Variants in MGAT5 observed in about 807,000 individuals in gnomAD.
MGAT5 encodes alpha-1,6-mannosylglycoprotein 6-beta-N-acetylglucosaminyltransferase A.
In MGAT5, 30 loss-of-function variants were observed where a neutral mutation model predicts 94.3. The observed-to-expected ratio is 0.32, with a 90% CI of 0.24 to 0.43. The LOEUF (loss-of-function observed/expected upper bound fraction) is 0.43. MGAT5 is among the 20% of genes least tolerant of loss of function. The probability of loss-of-function intolerance (pLI) is 1.00; values close to 1 mark genes in which losing one functional copy is unlikely to be tolerated. For synonymous variants in MGAT5, 310 were observed against 322.9 expected (o/e 0.96, Z 0.43); for missense variants, 691 against 905.5 (o/e 0.76, Z 3.04).
chr2:134,224,648 C>G (rs574816465), intron 1 of MGAT5, among the ~76,000 whole-genome samples: 46 of 152,226 alleles, frequency 3.0e-4, no homozygotes, highest in Non-Finnish European at 5.9e-4. Flanking sequence ...GTCTAGGTCT[C>G]CAAAACTATG....
chr2:134,286,003 G>C (rs944679978), intron 2 of MGAT5, among the ~76,000 whole-genome samples: 1 of 152,020 alleles, frequency 6.6e-6, no homozygotes, highest in Admixed American at 6.6e-5. Context: ...TTTTCCCAGC[G>C]TTAATAATTT....
chr2:134,197,418 T>C (rs962155540), intron 1 of MGAT5, among the ~76,000 whole-genome samples: 1 of 152,184 alleles, frequency 6.6e-6, no homozygotes, highest in African/African-American at 2.4e-5. Context: ...GGTTGAGACA[T>C]TGAGTGACTG....
chr2:134,268,537 A>C lies in MGAT5; in HGVS notation c.242-1849A>C, dbSNP rs1683850398. 6.6e-6 allele frequency among the ~76,000 whole-genome samples: 1 copy of C among 152,194 alleles called. No individual in the cohort carries two copies. Among genetic ancestry groups the C allele is most frequent in the Non-Finnish European group, 1.5e-5 (1 of 68,042 alleles). On this transcript the variant is annotated intron_variant, in intron 1 of 15. Coordinates refer to ENST00000281923, the MANE Select transcript of MGAT5 (RefSeq NM_002410.5). This position sits in a 1 kb window ranked among gnomAD's most constrained non-coding sequence, Gnocchi z 4.1. Reference sequence around the variant, plus strand: ...GCCTGTGACAAACTGAGTCATGCTGACCGTGGGACTGCAGACCGCAGAGGA... The same window carrying C: ...GCCTGTGACAAACTGAGTCATGCTGCCCGTGGGACTGCAGACCGCAGAGGA...
At chr2:134,374,930 C>A (rs1272971858) in intron 10 of MGAT5, among the ~76,000 whole-genome samples, 2 of 152,186 alleles carry the variant, frequency 1.3e-5, no homozygotes, top group Non-Finnish European at 2.9e-5. Context: ...GAGGTCAAGG[C>A]TGCAGTGAGC....
chr2:134,230,012 C>A (rs530694971), intron 1 of MGAT5, among the ~76,000 whole-genome samples: 2 of 152,266 alleles, frequency 1.3e-5, no homozygotes, highest in African/African-American at 4.8e-5. Flanking sequence ...ATCAAAAAGA[C>A]AGATGGGAAA....
At position 134,341,596 on chromosome 2, in the gene MGAT5, G is replaced by T. The variant is rs547381763; in HGVS notation, c.814G>T (p.Val272Phe). 34 of 1,612,208 alleles carry T rather than the reference G, an allele frequency of 2.1e-5. No individual in the cohort carries two copies. The highest frequency in any genetic ancestry group is 2.5e-5 in the Non-Finnish European group (29 of 1,179,208). ...LEKRKRKKVL[V>F]HLGLLTKESG... ...ATGCCTCTTTGTTTTCCAGGTCCTC[G>T]TTCACCTGGGACTCCTGACCAAGGA... is the stretch of plus-strand genomic sequence containing the variant. The change falls in exon 7 of 16, where the codon GTT becomes TTT. Residue 272 changes from valine to phenylalanine, a missense_variant. Physicochemically the swap from Val to Phe is conservative, Grantham distance 50 (BLOSUM62 -1). Around this residue, in one of 4 missense-constraint regions of MGAT5, gnomAD observed 121 missense variants for 206.1 expected, o/e 0.59. Coordinates refer to ENST00000281923, the MANE Select transcript of MGAT5 (RefSeq NM_002410.5).
At chr2:134,280,245 A>G (rs1195389821) in intron 2 of MGAT5, among the ~76,000 whole-genome samples, 1 of 152,312 alleles carries the variant, frequency 6.6e-6, no homozygotes, top group African/African-American at 2.4e-5. Flanking sequence ...GGATTCAATT[A>G]GGGGTGTGAC....
intron 1 of MGAT5, among the ~76,000 whole-genome samples, chr2:134,136,266 A>AT (rs956077571): frequency 1.3e-5 from 2 of 151,874 alleles, no homozygotes; most frequent in African/African-American, 4.9e-5. Context: ...CCATTTACCA[A>AT]TTAAAAAAAA....
rs888705419 is a variant in MGAT5, at chr2:134,156,954, T to C, written c.-143+36663T>C. On this transcript the variant is annotated intron_variant, in intron 1 of 16. Transcript: ENST00000409645. ...TTGTCAGGGTTTCTCGTTCTATAAA[T>C]TGGGAATGATGATATCTAGGTAAGC... is the stretch of plus-strand genomic sequence containing the variant. 9.9e-5 allele frequency among the ~76,000 whole-genome samples: 15 copies of C among 152,126 alleles called. 1 individual carries two copies. Among genetic ancestry groups the C allele is most frequent in the Non-Finnish European group, 4.4e-5 (3 of 68,014 alleles).
At chr2:134,340,418 G>A (rs1436346965) in intron 6 of MGAT5, among the ~76,000 whole-genome samples, 3 of 152,120 alleles carry the variant, frequency 2.0e-5, no homozygotes, top group Non-Finnish European at 4.4e-5. Flanking sequence ...AGCTTGGATA[G>A]CCTACCACAG....
intron 1 of MGAT5, among the ~76,000 whole-genome samples, chr2:134,193,620 T>G (rs1352858324): frequency 6.6e-6 from 1 of 151,312 alleles, no homozygotes; most frequent in African/African-American, 2.4e-5. Flanking sequence ...CCCTCTGAGT[T>G]TTTTGACATC....
intron 1 of MGAT5, among the ~76,000 whole-genome samples, chr2:134,261,762 C>T (rs879767006): frequency 1.3e-5 from 2 of 152,182 alleles, no homozygotes; most frequent in Non-Finnish European, 2.9e-5. Flanking sequence ...CCCACTGTGC[C>T]CCAGAGCTTA....
intron 1 of MGAT5, among the ~76,000 whole-genome samples, chr2:134,128,994 C>G (rs1478591293): frequency 6.6e-6 from 1 of 152,172 alleles, no homozygotes; most frequent in Non-Finnish European, 1.5e-5. Context: ...CACTGTCAGT[C>G]TCTAATAGAA....
At chr2:134,188,116 G>T (rs1341896146) in intron 1 of MGAT5, among the ~76,000 whole-genome samples, 1 of 152,240 alleles carries the variant, frequency 6.6e-6, no homozygotes, top group African/African-American at 2.4e-5. Context: ...TCAGTGCTGT[G>T]TTCTCAAAAT....
upstream of MGAT5, among the ~76,000 whole-genome samples, chr2:134,251,688 C>T (rs1322364554): frequency 1.3e-5 from 2 of 152,184 alleles, no homozygotes; most frequent in East Asian, 3.8e-4. Flanking sequence ...ATTCAATCCA[C>T]ATATACATTG....
rs74918581 is a variant in MGAT5 at position 134,125,443 on chromosome 2, G to A, written c.-143+5152G>A. ...CAGCACCTTCTTTCCAACCTAAGCC[G>A]AGAGGGCTTCATAGATACCCAGGGG... On this transcript the variant is annotated intron_variant, in intron 1 of 16. Transcript: ENST00000409645. Among the ~76,000 whole-genome samples the A allele has an allele frequency of 9.6e-3, 1,458 of 152,262 alleles. 26 individuals are homozygous for A. Among genetic ancestry groups the A allele is most frequent in the African/African-American group, 0.031 (1,300 of 41,536 alleles).
chr2:134,293,226 A>G (rs1685480125), intron 2 of MGAT5, among the ~76,000 whole-genome samples: 1 of 152,220 alleles, frequency 6.6e-6, no homozygotes, highest in East Asian at 1.9e-4. Context: ...AAAATTGAAA[A>G]TGGATGGTAG....
At chr2:134,407,164 C>G (rs569167827) in intron 11 of MGAT5, among the ~76,000 whole-genome samples, 2 of 152,188 alleles carry the variant, frequency 1.3e-5, no homozygotes, top group African/African-American at 2.4e-5. Context: ...TCTGATACCC[C>G]GTTCCTGCCT....
intron 1 of MGAT5, among the ~76,000 whole-genome samples, chr2:134,204,462 A>G (rs923060154): frequency 7.2e-5 from 11 of 152,132 alleles, no homozygotes; most frequent in Non-Finnish European, 1.5e-4. Flanking sequence ...CCTGGGGTTA[A>G]GTGAGGGCGT....
Sources: gnomAD v4.1 joint callset for allele counts (sites outside exome capture counted in the v4.1 genomes callset) on GRCh38, gnomAD v4.1.1 for gene constraint, gnomAD v4.1.1 regional missense constraint, Gnocchi (gnomAD v3.1) non-coding constraint, MANE v1.5 for transcripts, NCBI Gene and HGNC (gene_info 2026-07-23, HGNC 2026-07-21) for gene names.